PIK3C2B: variants seen among roughly 807,000 people sequenced by gnomAD.
The protein encoded by PIK3C2B is phosphatidylinositol-4-phosphate 3-kinase catalytic subunit type 2 beta.
A neutral mutation model predicts 184.3 loss-of-function variants in PIK3C2B; 83 were observed. The ratio of observed to expected loss-of-function variants is 0.45; its 90% CI spans 0.38 to 0.54. PIK3C2B has a LOEUF of 0.54. Among genes scored for constraint, PIK3C2B ranks in the 20% least tolerant of loss-of-function variants. PIK3C2B has a pLI of 0.00. For missense variants in PIK3C2B, 1,736 were observed against 2,113.5 expected (o/e 0.82, Z 3.50); for synonymous variants, 779 against 837.6 (o/e 0.93, Z 1.21).
At position 204,459,933 on chromosome 1, in the gene PIK3C2B, A is replaced by G. The variant is rs560852556; in HGVS notation, c.1511T>C (p.Leu504Pro). The G allele has an allele frequency of 1.2e-6, 2 of 1,613,906 alleles. No homozygotes were observed. Among genetic ancestry groups the G allele is most frequent in the East Asian group, 2.2e-5 (1 of 44,878 alleles). ...GTGGTAAGTGTCGAACAGAAGACTC[A>G]GGGCCTGCCTGGGAGTTGGGGGCAG... ...PVKQTISRQA[L>P]SLLFDTYHNE... Residue 504 changes from leucine to proline, a missense_variant, in exon 8 of 33, where the codon CTG (leucine) becomes CCG (proline). By Grantham distance (98) the Leu-to-Pro change is moderately conservative (BLOSUM62 -3). Around this residue, in one of 8 missense-constraint regions of PIK3C2B, gnomAD observed 609 missense variants for 699.2 expected, o/e 0.87. Transcript: ENST00000684373.
At chr1:204,460,466 C>A (rs1655235140) in intron 6 of PIK3C2B, 63 bp from the exon 7 acceptor site, 2 of 1,531,890 alleles carry the variant, frequency 1.3e-6, no homozygotes, top group Non-Finnish European at 9.0e-7. Flanking sequence ...GCACTCCTAC[C>A]CCCCTCCCAC....
chr1:204,444,138 C>T lies in PIK3C2B; in HGVS notation c.2797G>A (p.Asp933Asn), dbSNP rs374222717. Reference sequence around the variant, plus strand: ...AGGAGGAAGCGCACCAACGGGCTGTCCAGGTAGCATTCATACTTCAGGGCC... The same window carrying T: ...AGGAGGAAGCGCACCAACGGGCTGTTCAGGTAGCATTCATACTTCAGGGCC... ...VQALKYECYL[D>N]SPLVRFLLKR... Residue 933 changes from aspartate (D) to asparagine (N), a missense_variant, in exon 18 of 33, where the codon GAC becomes AAC. Transcript: ENST00000684373. 38 of 1,613,420 alleles carry T rather than the reference C, an allele frequency of 2.4e-5. No homozygotes were observed. The highest frequency in any genetic ancestry group is 3.2e-5 in the Non-Finnish European group (38 of 1,179,452).
intron 29 of PIK3C2B, among the ~76,000 whole-genome samples, chr1:204,429,276 A>G (rs1460266752): frequency 6.6e-6 from 1 of 152,040 alleles, no homozygotes; most frequent in African/African-American, 2.4e-5. Context: ...ATTAATGGGG[A>G]AAAAAAACAC....
At chr1:204,473,887 A>G (rs1393697266) in intron 1 of PIK3C2B, among the ~76,000 whole-genome samples, 1 of 151,602 alleles carries the variant, frequency 6.6e-6, no homozygotes, top group Non-Finnish European at 1.5e-5. Context: ...TGTATCTTCA[A>G]TCTCTTCTCC....
At chr1:204,446,221 C>A in intron 15 of PIK3C2B, 77 bp from the exon 16 acceptor site, 2 of 1,006,044 alleles carry the variant, frequency 2.0e-6, no homozygotes, top group South Asian at 1.7e-5. Flanking sequence ...CCAGGGGGTG[C>A]AGCCCTTACC....
intron 10 of PIK3C2B, 85 bp from the exon 11 acceptor site, chr1:204,456,136 G>T: frequency 9.0e-7 from 1 of 1,114,084 alleles, no homozygotes; most frequent in Non-Finnish European, 1.3e-6. Context: ...AGAATGGGAT[G>T]GCCTAAGACA....
At position 204,437,465 on chromosome 1, in the gene PIK3C2B, G is replaced by A. The variant is rs187832468; in HGVS notation, c.3516+1470C>T. Among the ~76,000 whole-genome samples the A allele has an allele frequency of 1.1e-3, 164 of 151,646 alleles. 1 individual carries two copies. Among genetic ancestry groups the A allele is most frequent in the Middle Eastern group, 0.01 (3 of 294 alleles). ...AGCCAAGCTCGTGCCATTGCACTCC[G>A]GCCTGGGCAACAAGAGCAAAACTCT... is the stretch of plus-strand genomic sequence containing the variant. On this transcript the variant is annotated intron_variant, in intron 23 of 32. Transcript: ENST00000684373.
Position 204,433,375 on chromosome 1 carries a change from A to C in PIK3C2B, c.3894T>G (p.Tyr1298Ter). 6.2e-7 allele frequency: 1 copy of C among 1,612,826 alleles called. No individual in the cohort carries two copies. Among genetic ancestry groups the C allele is most frequent in the Admixed American group, 1.7e-5 (1 of 60,030 alleles). Residue 1298 changes from tyrosine to a stop codon, truncating the protein, a stop_gained, in exon 26 of 33, where the codon TAT becomes TAG. Coordinates refer to ENST00000684373, the MANE Select transcript of PIK3C2B (RefSeq NM_001377334.1). LOFTEE classifies it high-confidence loss of function. The surrounding 1 kb of genome is among the most constrained non-coding windows in gnomAD (Gnocchi z 5.0). ...CCTGAGGCCTCAGGGCATCGTACACATACTTGAGGTCCTCCAGGTCTGAGA... is the reference window on the plus strand; with the variant it reads ...CCTGAGGCCTCAGGGCATCGTACACCTACTTGAGGTCCTCCAGGTCTGAGA... The part of the protein sequence containing the change: ...PELSDLEDLK[Y>*]VYDALRPQDT...
chr1:204,455,117 C>T (rs1187355513), intron 11 of PIK3C2B, among the ~76,000 whole-genome samples: 3 of 152,212 alleles, frequency 2.0e-5, no homozygotes, highest in Non-Finnish European at 4.4e-5. Flanking sequence ...CGTGTGTGCG[C>T]GTGCACGTGC....
intron 1 of PIK3C2B, among the ~76,000 whole-genome samples, chr1:204,481,077 A>G (rs1235639914): frequency 2.0e-5 from 3 of 146,590 alleles, no homozygotes; most frequent in African/African-American, 7.7e-5. Flanking sequence ...TTCCCCCTGC[A>G]CCCCACACAC....
At chr1:204,472,596 T>C (rs1307247990) in intron 1 of PIK3C2B, among the ~76,000 whole-genome samples, 1 of 151,962 alleles carries the variant, frequency 6.6e-6, no homozygotes, top group Non-Finnish European at 1.5e-5. Flanking sequence ...CTGGCTAACA[T>C]GGTGAAACCT....
chr1:204,477,758 A>C lies in PIK3C2B; in HGVS notation c.-84-7872T>G, dbSNP rs1415191151. Among the ~76,000 whole-genome samples, 3 of 152,142 alleles carry C rather than the reference A, an allele frequency of 2.0e-5. No individual in the cohort carries two copies. The East Asian group carries it at 5.8e-4, about 29-fold the overall frequency. ...GAGGGGTCTGGGTCATCTCTTCCCC[A>C]TACCCTGAGCCACAGATTGGATCCC... is the stretch of plus-strand genomic sequence containing the variant. On this transcript the variant is annotated intron_variant, in intron 1 of 32. Coordinates refer to ENST00000684373, the MANE Select transcript of PIK3C2B (RefSeq NM_001377334.1).
chr1:204,484,976 A>T (rs1241962068), intron 1 of PIK3C2B, among the ~76,000 whole-genome samples: 1 of 151,896 alleles, frequency 6.6e-6, no homozygotes, highest in Non-Finnish European at 1.5e-5. Flanking sequence ...CAGAAGTGGG[A>T]GTCCAGGTCC....
At position 204,438,952 on chromosome 1, in the gene PIK3C2B, C is replaced by T; in HGVS notation, c.3499G>A (p.Glu1167Lys). 1 of 1,613,910 alleles carries T rather than the reference C, an allele frequency of 6.2e-7. No individual in the cohort carries two copies. Among genetic ancestry groups the T allele is most frequent in the Non-Finnish European group, 8.5e-7 (1 of 1,180,040 alleles). The stretch of plus-strand genomic sequence containing the variant: ...AACCCTACCTTCTCATACTCGTCCT[C>T]CCCAGGGTTGTGTTTCTGCAGCCAG... ...ADWLQKHNPG[E>K]DEYEKAVENF... The change falls in exon 23 of 33, where the codon GAG becomes AAG. Residue 1167 changes from glutamate (E) to lysine (K), a missense_variant. Glu to Lys is a moderately conservative substitution (Grantham distance 56). Around this residue, in one of 8 missense-constraint regions of PIK3C2B, gnomAD observed 289 missense variants for 380.4 expected, o/e 0.76. Coordinates refer to ENST00000684373, the MANE Select transcript of PIK3C2B (RefSeq NM_001377334.1).
chr1:204,447,101 G>A lies in PIK3C2B; in HGVS notation c.2489+335C>T, dbSNP rs564333308. ...GGGCAGGAGGTGAGAGCAAGAGGTG[G>A]GGGCAGGGTGGTGGGGCCAGCTGCC... On this transcript the variant is annotated intron_variant, in intron 15 of 32. Transcript: ENST00000684373. This position sits in a 1 kb window ranked among gnomAD's most constrained non-coding sequence, Gnocchi z 4.1. Among the ~76,000 whole-genome samples the A allele has an allele frequency of 1.2e-3, 176 of 152,052 alleles. No individual in the cohort carries two copies. Among genetic ancestry groups the A allele is most frequent in the Non-Finnish European group, 2.3e-3 (156 of 68,012 alleles).
chr1:204,440,386 AGTG>A, intron 21 of PIK3C2B, 65 bp from the exon 22 acceptor site: 1 of 1,502,548 alleles, frequency 6.7e-7, no homozygotes, highest in African/African-American at 1.4e-5. Context: ...AGGTCTCCCA[AGTG>A]CTCAACCTTG....
At chr1:204,456,239 T>A (rs1057489223) in intron 10 of PIK3C2B, 188 bp from the exon 11 acceptor site, 1 of 469,352 alleles carries the variant, frequency 2.1e-6, no homozygotes, top group African/African-American at 2.0e-5. Context: ...TGTCATGAGC[T>A]TTTCATAAAA....
intron 7 of PIK3C2B, 116 bp from the exon 8 acceptor site, chr1:204,460,057 C>T: frequency 1.2e-6 from 1 of 824,808 alleles, no homozygotes; most frequent in Non-Finnish European, 2.0e-6. Context: ...AAGGAGTTCC[C>T]ACTCTTTCTA....
At chr1:204,452,327 G>A (rs1259158992) in intron 12 of PIK3C2B, among the ~76,000 whole-genome samples, 1 of 111,478 alleles carries the variant, frequency 9.0e-6, no homozygotes, top group Non-Finnish European at 1.7e-5. Flanking sequence ...ACAGGGTCTC[G>A]CTCTGTTGCC....
Sources: gnomAD v4.1 joint callset for allele counts (sites outside exome capture counted in the v4.1 genomes callset) on GRCh38, gnomAD v4.1.1 for gene constraint, gnomAD v4.1.1 regional missense constraint, Gnocchi (gnomAD v3.1) non-coding constraint, MANE v1.5 for transcripts, NCBI Gene and HGNC (gene_info 2026-07-23, HGNC 2026-07-21) for gene names.